EPM2A: variants seen among roughly 807,000 people sequenced by gnomAD.
The protein encoded by EPM2A is laforin.
Under a neutral mutation model 26.5 loss-of-function variants are expected in EPM2A, and 21 were observed. The observed-to-expected ratio is 0.79, with a 90% CI of 0.56 to 1.14. The LOEUF (loss-of-function observed/expected upper bound fraction) is 1.14, where lower values mean the gene tolerates loss of function less well. Ranked by LOEUF, EPM2A falls within the 50% of genes most tolerant of loss-of-function variation. The pLI is 0.00. For missense variants in EPM2A, 458 were observed against 440.8 expected, an observed-to-expected ratio of 1.04 and a Z score of -0.35; for synonymous variants, 217 against 177.6, an observed-to-expected ratio of 1.22 and a Z score of -1.76.
At chr6:145,416,964 G>C (rs1004459852) in intron 4 of EPM2A, among the ~76,000 whole-genome samples, 1 of 152,066 alleles carries the variant, frequency 6.6e-6, no homozygotes, top group Non-Finnish European at 1.5e-5. Flanking sequence ...GTTTCTACAG[G>C]ATGTTTAGGG....
chr6:145,557,996 T>G (rs1340258851), intron 2 of EPM2A, among the ~76,000 whole-genome samples: 10 of 152,114 alleles, frequency 6.6e-5, no homozygotes, highest in Admixed American at 5.9e-4. Flanking sequence ...GTTTTCAGAT[T>G]CCACATATAA....
intron 2 of EPM2A, among the ~76,000 whole-genome samples, chr6:145,617,505 T>C (rs1386799783): frequency 2.6e-5 from 4 of 152,214 alleles, no homozygotes; most frequent in Non-Finnish European, 2.9e-5. Context: ...GAAATCGTTA[T>C]TAAAATGCTT....
At chr6:145,389,844 ATTTACAATTTTTC>A (rs1778314200) in intron 4 of EPM2A, among the ~76,000 whole-genome samples, 1 of 152,210 alleles carries the variant, frequency 6.6e-6, no homozygotes, top group Non-Finnish European at 1.5e-5. Context: ...ATGACGGCCA[ATTTACAATTTTTC>A]TTTATCAACT....
At chr6:145,676,487 G>A (rs1345416885) in intron 2 of EPM2A, among the ~76,000 whole-genome samples, 1 of 152,028 alleles carries the variant, frequency 6.6e-6, no homozygotes, top group Non-Finnish European at 1.5e-5. Context: ...ATGAATCCAG[G>A]AGCTGGTTTT....
chr6:145,583,303 C>A (rs564028836), intron 2 of EPM2A, among the ~76,000 whole-genome samples: 1 of 152,258 alleles, frequency 6.6e-6, no homozygotes, highest in East Asian at 1.9e-4. Context: ...CCTCAGTCTT[C>A]AAAGTTGATG....
chr6:145,494,144 A>G (rs1216159717), intron 4 of EPM2A, among the ~76,000 whole-genome samples: 1 of 152,178 alleles, frequency 6.6e-6, no homozygotes, highest in African/African-American at 2.4e-5. Flanking sequence ...GCTATTTATT[A>G]CTGCCTCAAT....
At chr6:145,429,818 A>G (rs912300474) in intron 4 of EPM2A, among the ~76,000 whole-genome samples, 2 of 152,218 alleles carry the variant, frequency 1.3e-5, no homozygotes, top group African/African-American at 2.4e-5. Context: ...TAGGATTGTG[A>G]TATTTTAATG....
At chr6:145,452,382 T>C (rs1284668803) in intron 4 of EPM2A, among the ~76,000 whole-genome samples, 1 of 150,042 alleles carries the variant, frequency 6.7e-6, no homozygotes, top group East Asian at 2.0e-4. Context: ...TCAGATGTTG[T>C]TTCTCTATCA....
chr6:145,554,459 G>GATAGATAGATAGATACATACATAC (rs1187061981), intron 2 of EPM2A, among the ~76,000 whole-genome samples: 16 of 151,612 alleles, frequency 1.1e-4, no homozygotes, highest in African/African-American at 3.6e-4. Flanking sequence ...TAGATAGATA[G>GATAGATAGATAGATACATACATAC]ATAGATAGAT....
At position 145,386,197 on chromosome 6, in the gene EPM2A, T is replaced by C. The variant is rs1188799116; in HGVS notation, c.556-2100A>G. Among the ~76,000 whole-genome samples the C allele has an allele frequency of 2.0e-5, 3 of 152,180 alleles. No homozygotes were observed. The East Asian group carries it at 5.8e-4, about 29-fold the overall frequency. ...TCCAAGGTAGTTGTAATTATTTTAA[T>C]AGAAGCATAGTGCCTAGCTCAGCGT... On this transcript the variant is annotated intron_variant, in intron 4 of 4. Transcript: ENST00000638717.
intron 2 of EPM2A, among the ~76,000 whole-genome samples, chr6:145,677,948 C>CA (rs1780191329): frequency 6.6e-6 from 1 of 152,048 alleles, no homozygotes; most frequent in African/African-American, 2.4e-5. Flanking sequence ...CATATGGAAC[C>CA]AAAAAAGAGC....
rs1038009476 is a variant in EPM2A at position 145,490,372 on chromosome 6, C to G, written c.555+12150G>C. ...TCTTTCTTCCTTTTTTGCCTCTATTCCAGTTTGGCATGCAGTGAGGTGACA... is the reference window on the plus strand; with the variant it reads ...TCTTTCTTCCTTTTTTGCCTCTATTGCAGTTTGGCATGCAGTGAGGTGACA... On this transcript the variant is annotated intron_variant, in intron 4 of 4. Transcript: ENST00000638717. The G allele has an allele frequency of 1.2e-5, 13 of 1,109,826 alleles. No homozygotes were observed. The Admixed American group carries it at 1.4e-4, about 12-fold the overall frequency. The allele number at this position is 1,109,826 out of a possible 1,614,324, so 68.7% of individuals were successfully genotyped here.
chr6:145,659,397 C>T (rs1344974198), intron 2 of EPM2A, among the ~76,000 whole-genome samples: 2 of 152,072 alleles, frequency 1.3e-5, no homozygotes, highest in African/African-American at 2.4e-5. Flanking sequence ...TTTTTCTGTA[C>T]TTCAACAGTA....
intron 2 of EPM2A, among the ~76,000 whole-genome samples, chr6:145,660,355 GA>G (rs1446169424): frequency 1.3e-5 from 2 of 151,796 alleles, no homozygotes; most frequent in Non-Finnish European, 2.9e-5. Context: ...TATTTAAGTT[GA>G]AAAACTTTAA....
intron 4 of EPM2A, among the ~76,000 whole-genome samples, chr6:145,428,075 G>GTTTTTTTTTT (rs11343322): frequency 2.1e-5 from 2 of 97,530 alleles, no homozygotes; most frequent in East Asian, 3.1e-4. Flanking sequence ...TGTGTTGATA[G>GTTTTTTTTTT]TTTTTTTTTT....
intron 1 of EPM2A, among the ~76,000 whole-genome samples, chr6:145,730,347 T>C (rs1425567729): frequency 6.6e-6 from 1 of 152,200 alleles, no homozygotes; most frequent in Non-Finnish European, 1.5e-5. Context: ...GGGGAATACC[T>C]AAGGATGATT....
chr6:145,460,464 C>G (rs1348239504), intron 4 of EPM2A, among the ~76,000 whole-genome samples: 1 of 152,124 alleles, frequency 6.6e-6, no homozygotes, highest in Non-Finnish European at 1.5e-5. Flanking sequence ...TAATCTTGCA[C>G]TAAACTGGAT....
In EPM2A at chr6:145,696,886, T is replaced by C. The variant is rs961369446; in HGVS notation, c.302-10590A>G. Among the ~76,000 whole-genome samples, 6 of 151,720 alleles carry C rather than the reference T, an allele frequency of 4.0e-5. No homozygotes were observed. In the South Asian group the frequency reaches 1.0e-3, roughly 26 times the overall value. ...TTATTGTTATTTTGATGACAAATAATATTGTGAAATTTTGGATACATGAGC... is the reference window on the plus strand; with the variant it reads ...TTATTGTTATTTTGATGACAAATAACATTGTGAAATTTTGGATACATGAGC... On this transcript the variant is annotated intron_variant, in intron 1 of 3. Transcript: ENST00000367519.
rs563777945 is a variant in EPM2A at position 145,452,489 on chromosome 6, CAAAAAAAAAAAAAAAAA to C, written c.555+50016_555+50032del. Among the ~76,000 whole-genome samples, 116 of 75,864 alleles carry C rather than the reference CAAAAAAAAAAAAAAAAA, an allele frequency of 1.5e-3. 2 individuals are homozygous for C. Among genetic ancestry groups the C allele is most frequent in the South Asian group, 7.0e-3 (13 of 1,850 alleles). 49.8% of individuals were successfully genotyped at this position (75,864 alleles called of 152,430 possible). On this transcript the variant is annotated intron_variant, in intron 4 of 4. Transcript: ENST00000638717. The stretch of plus-strand genomic sequence containing the variant: ...TGAAACCCAGTCTCTACTAAAAATA[CAAAAAAAAAAAAAAAAA>C]AAAAAAAAAAAAAAAAATAGCCGGG...
Sources: gnomAD v4.1 joint callset for allele counts (sites outside exome capture counted in the v4.1 genomes callset) on GRCh38, gnomAD v4.1.1 for gene constraint, MANE v1.5 for transcripts, NCBI Gene and HGNC (gene_info 2026-07-23, HGNC 2026-07-21) for gene names.